CHIA: variants seen among roughly 807,000 people sequenced by gnomAD.
The protein encoded by CHIA is chitinase acidic.
Under a neutral mutation model 53.5 loss-of-function variants are expected in CHIA, and 47 were observed. That is an observed-to-expected ratio of 0.88 (90% CI 0.70 to 1.12). The LOEUF is 1.12. Among genes scored for constraint, CHIA ranks in the 50% most tolerant of loss-of-function variants. The pLI, the probability that CHIA is intolerant of heterozygous loss-of-function variation, is 0.00. For synonymous variants in CHIA, 268 were observed against 222.2 expected (o/e 1.21, Z -1.83); for missense variants, 652 against 592.2 (o/e 1.10, Z -1.05).
At chr1:111,296,180 C>G (rs559111603) in intron 1 of CHIA, among the ~76,000 whole-genome samples, 15 of 152,236 alleles carry the variant, frequency 9.9e-5, no homozygotes, top group Non-Finnish European at 2.1e-4. Flanking sequence ...CTTAAACATT[C>G]CTGTCTGACA....
chr1:111,311,694 G>A lies in CHIA; in HGVS notation c.31G>A (p.Val11Ile). MTKLILLTGL[V>I]LILNLQLGSA... ...TGCTTTTTCTTTCTATCCAGGTCTT[G>A]TCCTTATACTGAATTTGCAGCTCGG... Residue 11 changes from valine (V) to isoleucine (I), a missense_variant, in exon 3 of 12, where the codon GTC becomes ATC. By Grantham distance (29) the Val-to-Ile change is conservative. Transcript: ENST00000369740. 1 of 1,613,966 alleles carries A rather than the reference G, an allele frequency of 6.2e-7. No individual in the cohort carries two copies. The highest frequency in any genetic ancestry group is 8.5e-7 in the Non-Finnish European group (1 of 1,179,952).
In CHIA at chr1:111,290,899, C is replaced by G. The variant is rs950589329; in HGVS notation, c.-120C>G. The G allele has an allele frequency of 8.5e-6, 4 of 469,246 alleles. No homozygotes were observed. Among genetic ancestry groups the G allele is most frequent in the Non-Finnish European group, 1.8e-5 (4 of 226,646 alleles). 29.1% of individuals were successfully genotyped at this position (469,246 alleles called of 1,614,324 possible). A position where few individuals can be genotyped will look rare whatever the true frequency, so the allele number is the denominator to read the frequency against. The stretch of plus-strand genomic sequence containing the variant: ...TCTGTGCACGAACAGGTGGCCGACT[C>G]TGGAGCCCAGGCTGTTGCTTTCCAG... On this transcript the variant is annotated 5_prime_UTR_variant, in exon 1 of 12. Coordinates refer to ENST00000369740, the MANE Select transcript of CHIA (RefSeq NM_201653.4).
At position 111,318,480 on chromosome 1, in the gene CHIA, A is replaced by G. The variant is rs1649358581; in HGVS notation, c.730-13A>G. 11 of 1,608,538 alleles carry G rather than the reference A, an allele frequency of 6.8e-6. No homozygotes were observed. Among genetic ancestry groups the G allele is most frequent in the African/African-American group, 1.3e-5 (1 of 74,874 alleles). On this transcript the variant is annotated splice_polypyrimidine_tract_variant and intron_variant, in intron 8 of 11. Coordinates refer to ENST00000369740, the MANE Select transcript of CHIA (RefSeq NM_201653.4). ...GCTGGTTGGGCCATGTAACTAACCC[A>G]CTGACATTGCAGGATTATGTCATGA...
rs753417209 is a variant in CHIA at position 111,317,647 on chromosome 1, C to T, written c.481-34C>T. ...TTATTTAAGGAGCTAAAATCAGCATCATAGATGTCCTATTATGCCTTATTA... is the reference window on the plus strand; with the variant it reads ...TTATTTAAGGAGCTAAAATCAGCATTATAGATGTCCTATTATGCCTTATTA... On this transcript the variant is annotated intron_variant, in intron 6 of 11. Transcript: ENST00000369740. 3.1e-6 allele frequency: 5 copies of T among 1,610,664 alleles called. No homozygotes were observed. In the East Asian group the frequency reaches 8.9e-5, roughly 29 times the overall value.
At chr1:111,311,583 G>A in intron 2 of CHIA, 106 bp from the exon 3 acceptor site, 4 of 1,281,598 alleles carry the variant, frequency 3.1e-6, no homozygotes, top group Non-Finnish European at 4.5e-6. Context: ...ATCTCACTGA[G>A]GTTGTAACAA....
chr1:111,315,967 G>T (rs2786157), intron 6 of CHIA: 180,588 of 417,246 alleles, frequency 0.43, 40,220 homozygotes, highest in South Asian at 0.56. Flanking sequence ...AAGACTGAAA[G>T]AATATGAACA....
intron 6 of CHIA, chr1:111,316,966 A>G (rs1649211365): frequency 6.6e-6 from 1 of 152,256 alleles, no homozygotes; most frequent in African/African-American, 2.4e-5. Flanking sequence ...CTGAAGCAAC[A>G]GAGAATAAGA....
intron 1 of CHIA, among the ~76,000 whole-genome samples, chr1:111,298,640 G>C (rs1297308659): frequency 2.0e-5 from 3 of 152,248 alleles, no homozygotes; most frequent in Non-Finnish European, 4.4e-5. Flanking sequence ...AAGCAGGAAA[G>C]ATCTAAAATC....
At chr1:111,313,268 C>T (rs1419836759) in intron 4 of CHIA, among the ~76,000 whole-genome samples, 1 of 152,130 alleles carries the variant, frequency 6.6e-6, no homozygotes, top group Admixed American at 6.5e-5. Flanking sequence ...TCATTCCCAC[C>T]AACAGTGGGC....
Position 111,320,356 on chromosome 1 carries a change from G to C in CHIA, c.1321G>C (p.Ala441Pro). 1 of 1,614,212 alleles carries C rather than the reference G, an allele frequency of 6.2e-7. No individual in the cohort carries two copies. Among genetic ancestry groups the C allele is most frequent in the Non-Finnish European group, 8.5e-7 (1 of 1,180,042 alleles). Residue 441 changes from alanine to proline, a missense_variant, in exon 12 of 12, where the codon GCA (alanine) becomes CCA (proline). Ala to Pro is a conservative substitution (Grantham distance 27). Coordinates refer to ENST00000369740, the MANE Select transcript of CHIA (RefSeq NM_201653.4). ...CAGAGCCAACGGCCTCTACCCCGTG[G>C]CAAATAACAGAAATGCCTTCTGGCA... ...AVRANGLYPVANNRNAFWHCV... is the reference protein window; with the variant it reads ...AVRANGLYPVPNNRNAFWHCV...
intron 1 of CHIA, among the ~76,000 whole-genome samples, chr1:111,292,778 C>T (rs1414082733): frequency 2.6e-5 from 4 of 152,110 alleles, no homozygotes; most frequent in African/African-American, 9.7e-5. Flanking sequence ...AACCACTATT[C>T]TACTTTCTGT....
At chr1:111,311,049 G>A (rs1648623482) in intron 2 of CHIA, among the ~76,000 whole-genome samples, 1 of 152,192 alleles carries the variant, frequency 6.6e-6, no homozygotes, top group African/African-American at 2.4e-5. Flanking sequence ...GTTGTTTAGA[G>A]ACAAGTCATA....
intron 11 of CHIA, 88 bp downstream of exon 11, chr1:111,319,556 GC>G: frequency 1.0e-5 from 13 of 1,281,648 alleles, no homozygotes; most frequent in Non-Finnish European, 1.2e-5. Context: ...CCTCCCCCTT[GC>G]CCAGGGATCC....
chr1:111,317,008 CT>C (rs1313099483), intron 6 of CHIA: 3 of 152,236 alleles, frequency 2.0e-5, no homozygotes, highest in Non-Finnish European at 2.9e-5. Flanking sequence ...GGCTTAATGT[CT>C]TAAGACAGCT....
chr1:111,307,343 A>C (rs1486517406), intron 1 of CHIA, among the ~76,000 whole-genome samples: 1 of 152,238 alleles, frequency 6.6e-6, no homozygotes, highest in Non-Finnish European at 1.5e-5. Flanking sequence ...AAATGCAAGA[A>C]ATAGAAGAAT....
intron 1 of CHIA, among the ~76,000 whole-genome samples, chr1:111,304,294 G>A (rs1412716696): frequency 6.6e-6 from 1 of 152,116 alleles, no homozygotes; most frequent in Non-Finnish European, 1.5e-5. Context: ...TTTGGGAAGT[G>A]TTAGGCCATT....
intron 1 of CHIA, among the ~76,000 whole-genome samples, chr1:111,291,526 G>C (rs1161439885): frequency 6.6e-6 from 1 of 151,328 alleles, no homozygotes. Context: ...TTGGGGGCAA[G>C]GGGGGGAGAG....
chr1:111,306,094 T>C (rs1199448445), intron 1 of CHIA, among the ~76,000 whole-genome samples: 1 of 152,228 alleles, frequency 6.6e-6, no homozygotes, highest in Non-Finnish European at 1.5e-5. Flanking sequence ...TGTAAATAAC[T>C]TGACAGGCAA....
chr1:111,313,874 C>T (rs4839123), intron 4 of CHIA, among the ~76,000 whole-genome samples: 38,075 of 152,072 alleles, frequency 0.25, 5,450 homozygotes, highest in South Asian at 0.38. Flanking sequence ...TCAGTAATGG[C>T]ATTATCGTGA....
Sources: gnomAD v4.1 joint callset for allele counts (sites outside exome capture counted in the v4.1 genomes callset) on GRCh38, gnomAD v4.1.1 for gene constraint, MANE v1.5 for transcripts, NCBI Gene and HGNC (gene_info 2026-07-23, HGNC 2026-07-21) for gene names.